The following SCN8A variants were observed in gnomAD, a reference collection of about 807,000 sequenced individuals.
The protein encoded by SCN8A is sodium channel protein type 8 subunit alpha.
A neutral mutation model predicts 184.1 loss-of-function variants in SCN8A; 30 were observed. The ratio of observed to expected loss-of-function variants is 0.16; its 90% CI spans 0.12 to 0.22. The LOEUF (loss-of-function observed/expected upper bound fraction) is 0.22. SCN8A is among the 10% of genes least tolerant of loss of function. SCN8A has a pLI of 1.00. For synonymous variants in SCN8A, 852 were observed against 907.0 expected, an observed-to-expected ratio of 0.94 and a Z score of 1.09; for missense variants, 1,057 against 2,498.9, an observed-to-expected ratio of 0.42 and a Z score of 12.30.
chr12:51,685,996 T>C (rs1243834025), intron 3 of SCN8A, among the ~76,000 whole-genome samples: 7 of 152,262 alleles, frequency 4.6e-5, no homozygotes, highest in Admixed American at 3.9e-4. Flanking sequence ...TAATTGATTT[T>C]CTTATCTGAC....
Position 51,706,525 on chromosome 12 carries a change from A to C in SCN8A, c.1445A>C (p.Lys482Thr), listed in dbSNP as rs769520392. The C allele has an allele frequency of 6.2e-7, 1 of 1,605,736 alleles. No homozygotes were observed. The highest frequency in any genetic ancestry group is 8.5e-7 in the Non-Finnish European group (1 of 1,176,068). Residue 482 changes from lysine (K) to threonine (T), a missense_variant, in exon 11 of 27, where the codon AAA (lysine) becomes ACA (threonine). Physicochemically the swap from Lys to Thr is moderately conservative, Grantham distance 78. Around this residue, in one of 19 missense-constraint regions of SCN8A, gnomAD observed 322 missense variants for 390.1 expected, o/e 0.83. Transcript: ENST00000627620. ...CCTCGGAGCTCTTCTGAAATCTCTA[A>C]ACTCAGCTCAAAGAGTGCAAAGGAA... Reference protein sequence around the residue: ...GSPRSSSEISKLSSKSAKERR... With the variant: ...GSPRSSSEISTLSSKSAKERR...
intron 1 of SCN8A, among the ~76,000 whole-genome samples, chr12:51,614,940 T>C (rs1939802733): frequency 6.6e-6 from 1 of 152,140 alleles, no homozygotes. Flanking sequence ...TTCAATGTTG[T>C]ACAGGAGATC....
intron 2 of SCN8A, among the ~76,000 whole-genome samples, chr12:51,674,277 A>C (rs1340330638): frequency 1.3e-5 from 2 of 152,034 alleles, no homozygotes; most frequent in African/African-American, 4.8e-5. Flanking sequence ...TCCTTCCTGC[A>C]GGCTTGTGCC....
At chr12:51,701,374 A>G (rs759810960) in intron 8 of SCN8A, among the ~76,000 whole-genome samples, 167 bp downstream of exon 8, 1 of 152,214 alleles carries the variant, frequency 6.6e-6, no homozygotes, top group Non-Finnish European at 1.5e-5. Flanking sequence ...ACATTTGTCT[A>G]TCTAAAGTTG....
intron 11 of SCN8A, among the ~76,000 whole-genome samples, chr12:51,720,103 TTAAG>T (rs1186962420): frequency 6.7e-6 from 1 of 149,984 alleles, no homozygotes; most frequent in Non-Finnish European, 1.5e-5. Context: ...AAAGAATTCT[TTAAG>T]TAAATTTCTT....
intron 19 of SCN8A, 76 bp downstream of exon 19, chr12:51,770,759 C>A: frequency 6.7e-7 from 1 of 1,495,558 alleles, no homozygotes; most frequent in Non-Finnish European, 9.2e-7. Flanking sequence ...AAGGCTGAGG[C>A]CAAAGCCCAG....
At chr12:51,721,959 TAGATCGAGGC>T (rs776695950) in intron 12 of SCN8A, 51 bp downstream of exon 12, 1 of 1,599,076 alleles carries the variant, frequency 6.3e-7, no homozygotes, top group South Asian at 1.1e-5. Context: ...AGAACACAAA[TAGATCGAGGC>T]TAGGCATGGC....
At chr12:51,668,186 A>C (rs1229815767) in intron 2 of SCN8A, among the ~76,000 whole-genome samples, 1 of 8,626 alleles carries the variant, frequency 1.2e-4, no homozygotes, top group East Asian at 0.25. Flanking sequence ...TCCATCTCAA[A>C]AAAAAAAAAA....
chr12:51,629,019 C>A (rs1400749912), intron 1 of SCN8A, among the ~76,000 whole-genome samples: 5 of 152,148 alleles, frequency 3.3e-5, no homozygotes, highest in Non-Finnish European at 7.3e-5. Context: ...TAGCTATCTT[C>A]TGACTTTGAA....
intron 2 of SCN8A, among the ~76,000 whole-genome samples, chr12:51,665,010 G>C (rs553067313): frequency 1.3e-5 from 2 of 152,146 alleles, no homozygotes; most frequent in South Asian, 4.1e-4. Context: ...GTGTTAGTTT[G>C]CTGAGGATAA....
chr12:51,785,565 T>G (rs561644219), intron 21 of SCN8A, among the ~76,000 whole-genome samples: 1 of 152,320 alleles, frequency 6.6e-6, no homozygotes, highest in African/African-American at 2.4e-5. Context: ...AAGGAAACCC[T>G]AAACTCTAAA....
chr12:51,626,004 G>A (rs1005054877), intron 1 of SCN8A, among the ~76,000 whole-genome samples: 13 of 152,164 alleles, frequency 8.5e-5, no homozygotes, highest in Non-Finnish European at 1.9e-4. Context: ...CATTTCCCAA[G>A]ACAAGAGGGC....
intron 8 of SCN8A, among the ~76,000 whole-genome samples, 183 bp from the exon 9 acceptor site, chr12:51,702,590 A>G (rs375026611): frequency 6.6e-6 from 1 of 152,190 alleles, no homozygotes; most frequent in East Asian, 1.9e-4. Flanking sequence ...GGCTGTCCCC[A>G]GAAGTTGGTT....
At chr12:51,780,165 G>A (rs1279089687) in intron 20 of SCN8A, 1 of 452,544 alleles carries the variant, frequency 2.2e-6, no homozygotes, top group Admixed American at 2.4e-5. Context: ...GGCAGCTTGT[G>A]TGGAGTATGT....
At chr12:51,726,509 T>C (rs1162409398) in intron 12 of SCN8A, among the ~76,000 whole-genome samples, 1 of 152,200 alleles carries the variant, frequency 6.6e-6, no homozygotes, top group African/African-American at 2.4e-5. Context: ...TCCTAAGCTT[T>C]TACCATTAAC....
intron 9 of SCN8A, among the ~76,000 whole-genome samples, 172 bp from the exon 10 acceptor site, chr12:51,705,245 C>A (rs1342966370): frequency 1.3e-5 from 2 of 152,080 alleles, no homozygotes; most frequent in Non-Finnish European, 2.9e-5. Context: ...ATAAGTGAAA[C>A]CATTCAACCA....
Position 51,780,678 on chromosome 12 carries a change from C to A in SCN8A, c.3849C>A (p.Ala1283=). ...AVSLVSLIAN[A]LGYSELGAIK... Reference sequence around the variant, plus strand: ...CTTTAGTCAGCCTTATAGCTAATGCCCTGGGCTACTCGGAACTAGGTGCCA... The same window carrying A: ...CTTTAGTCAGCCTTATAGCTAATGCACTGGGCTACTCGGAACTAGGTGCCA... The change falls in exon 21 of 27, where the codon GCC becomes GCA. Residue 1283 remains alanine, a synonymous_variant. Coordinates refer to ENST00000627620, the MANE Select transcript of SCN8A (RefSeq NM_001330260.2). 1 of 1,563,580 alleles carries A rather than the reference C, an allele frequency of 6.4e-7. No homozygotes were observed. The highest frequency in any genetic ancestry group is 1.2e-5 in the South Asian group (1 of 86,336).
intron 11 of SCN8A, among the ~76,000 whole-genome samples, chr12:51,720,049 C>G (rs1942025704): frequency 1.6e-5 from 2 of 125,378 alleles, no homozygotes; most frequent in South Asian, 5.0e-4. Context: ...GCACTCCAGC[C>G]TGGGCGACAG....
intron 2 of SCN8A, among the ~76,000 whole-genome samples, chr12:51,675,058 A>G (rs188446260): frequency 7.7e-4 from 117 of 152,358 alleles, no homozygotes; most frequent in African/African-American, 2.7e-3. Context: ...GCTTTACATA[A>G]TAAGCCTGCA....
Sources: allele counts gnomAD v4.1 joint callset (sites outside exome capture counted in the v4.1 genomes callset), GRCh38; gene constraint gnomAD v4.1.1; regional missense constraint gnomAD v4.1.1; transcripts MANE v1.5; gene names NCBI Gene and HGNC (gene_info 2026-07-23, HGNC 2026-07-21).